YTHDC2: variants seen among roughly 807,000 people sequenced by gnomAD.
YTHDC2 encodes the protein 3'-5' RNA helicase YTHDC2.
YTHDC2 carries 45 observed loss-of-function variants against 174.9 expected under a neutral mutation model. That is an observed-to-expected ratio of 0.26 (90% confidence interval 0.20 to 0.33). YTHDC2 has a LOEUF of 0.33. Among genes scored for constraint, YTHDC2 ranks in the 10% least tolerant of loss-of-function variants. YTHDC2 has a pLI of 1.00. For missense variants in YTHDC2, 1,650 were observed against 1,723.7 expected (o/e 0.96, Z 0.76); for synonymous variants, 657 against 574.5 (o/e 1.14, Z -2.05).
intron 4 of YTHDC2, among the ~76,000 whole-genome samples, chr5:113,531,778 A>C (rs1561635179): frequency 6.6e-6 from 1 of 152,182 alleles, no homozygotes; most frequent in African/African-American, 2.4e-5. Flanking sequence ...TGAAAATAAA[A>C]ACAGTTATAT....
intron 9 of YTHDC2, 51 bp from the exon 10 acceptor site, chr5:113,542,317 G>A: frequency 6.3e-7 from 1 of 1,583,378 alleles, no homozygotes; most frequent in Non-Finnish European, 8.6e-7. Flanking sequence ...TTCTTTGCAA[G>A]CAAATGTTAG....
At chr5:113,529,910 A>G (rs1774537582) in intron 4 of YTHDC2, among the ~76,000 whole-genome samples, 1 of 152,058 alleles carries the variant, frequency 6.6e-6, no homozygotes, top group Admixed American at 6.6e-5. Flanking sequence ...TCCTACCCTA[A>G]GATTAATGGA....
chr5:113,535,326 A>C (rs1376705311), intron 6 of YTHDC2, among the ~76,000 whole-genome samples: 3 of 152,298 alleles, frequency 2.0e-5, no homozygotes, highest in South Asian at 4.1e-4. Flanking sequence ...AAGGATTTGC[A>C]TAGGATATGT....
chr5:113,585,286 A>G (rs1383618007), intron 26 of YTHDC2, among the ~76,000 whole-genome samples: 1 of 152,112 alleles, frequency 6.6e-6, no homozygotes, highest in Admixed American at 6.6e-5. Context: ...ACTTGTAATA[A>G]GAATAATTTT....
intron 17 of YTHDC2, among the ~76,000 whole-genome samples, chr5:113,559,820 C>A (rs933360139): frequency 6.6e-6 from 1 of 152,184 alleles, no homozygotes; most frequent in Non-Finnish European, 1.5e-5. Context: ...CATGGCTTTA[C>A]CAGTATGATC....
Position 113,560,263 on chromosome 5 carries a change from A to G in YTHDC2, c.2217-817A>G, listed in dbSNP as rs527505611. On this transcript the variant is annotated intron_variant, in intron 17 of 29. Coordinates refer to ENST00000161863, the MANE Select transcript of YTHDC2 (RefSeq NM_022828.5). ...AATAATGTAAAACTGCATTGACATG[A>G]TGACATTCCCTGGACCCTCAGTTCT... Among the ~76,000 whole-genome samples the G allele has an allele frequency of 1.7e-3, 255 of 152,326 alleles. 1 individual carries two copies. Among genetic ancestry groups the G allele is most frequent in the African/African-American group, 5.7e-3 (235 of 41,566 alleles).
intron 19 of YTHDC2, 61 bp downstream of exon 19, chr5:113,563,553 G>A (rs6886199): frequency 0.32 from 484,479 of 1,499,636 alleles, 86,686 homozygotes; most frequent in African/African-American, 0.74. Flanking sequence ...AAACTAAAAG[G>A]AAATATGTCT....
At chr5:113,523,060 T>C (rs1348325166) in intron 2 of YTHDC2, among the ~76,000 whole-genome samples, 1 of 152,128 alleles carries the variant, frequency 6.6e-6, no homozygotes, top group Middle Eastern at 3.2e-3. Flanking sequence ...TGTGAGCTTG[T>C]TGAGAAAGGG....
At chr5:113,542,630 T>G (rs1368770518) in intron 10 of YTHDC2, 127 bp downstream of exon 10, 1 of 778,280 alleles carries the variant, frequency 1.3e-6, no homozygotes, top group Non-Finnish European at 1.9e-6. Context: ...AAGTATTTAT[T>G]TTATTTCAAA....
chr5:113,553,443 T>C, intron 13 of YTHDC2, 84 bp downstream of exon 13: 5 of 1,432,434 alleles, frequency 3.5e-6, no homozygotes, highest in South Asian at 2.8e-5. Context: ...TTTATATAAT[T>C]GCACTGATAG....
In YTHDC2 at chr5:113,514,046, A is replaced by G. The variant is rs753198457; in HGVS notation, c.151A>G (p.Ile51Val). Residue 51 changes from isoleucine (I) to valine (V), a missense_variant, in exon 1 of 30, where the codon ATC becomes GTC. Transcript: ENST00000161863. ...TGAGGAGGTGAAGATCGCAGTCAAT[A>G]TCGCGCTGGAGCGCTTCCGATACGG... ...IDEEVKIAVN[I>V]ALERFRYGDQ... The G allele has an allele frequency of 1.2e-6, 2 of 1,612,364 alleles. No homozygotes were observed. Among genetic ancestry groups the G allele is most frequent in the Non-Finnish European group, 1.7e-6 (2 of 1,179,342 alleles).
chr5:113,558,036 G>A (rs142695651), intron 17 of YTHDC2, among the ~76,000 whole-genome samples: 26 of 152,168 alleles, frequency 1.7e-4, no homozygotes, highest in African/African-American at 6.0e-4. Context: ...TGCTACAACT[G>A]GATGTTTCCA....
rs772794367 is a variant in YTHDC2, at chr5:113,584,452, T to C, written c.3798T>C (p.Ala1266=). ...GCAGTAGTTACCCAAGTCCTTGTGC[T>C]AGTCCTTCTCCTCCATCCTCAGGAA... ...TDSSSYPSPC[A]SPSPPSSGKG... Residue 1266 remains alanine, a synonymous_variant, in exon 26 of 30, where the codon GCT becomes GCC. Transcript: ENST00000161863. 1 of 1,612,954 alleles carries C rather than the reference T, an allele frequency of 6.2e-7. No individual in the cohort carries two copies. Among genetic ancestry groups the C allele is most frequent in the South Asian group, 1.1e-5 (1 of 90,824 alleles).
chr5:113,564,522 C>T (rs1243293003), intron 20 of YTHDC2, among the ~76,000 whole-genome samples: 1 of 152,116 alleles, frequency 6.6e-6, no homozygotes, highest in Non-Finnish European at 1.5e-5. Flanking sequence ...TAATATCTAT[C>T]GATTTTTCTT....
At chr5:113,538,977 A>T (rs1775268628) in intron 7 of YTHDC2, 97 bp from the exon 8 acceptor site, 1 of 599,558 alleles carries the variant, frequency 1.7e-6, no homozygotes, top group African/African-American at 2.0e-5. Context: ...TTGCTTTTGG[A>T]TATTATACTG....
In YTHDC2 at chr5:113,554,037, G is replaced by T; in HGVS notation, c.2133+15G>T. The T allele has an allele frequency of 6.7e-7, 1 of 1,492,340 alleles. No individual in the cohort carries two copies. Among genetic ancestry groups the T allele is most frequent in the Admixed American group, 2.4e-5 (1 of 41,082 alleles). 92.4% of individuals were successfully genotyped at this position (1,492,340 alleles called of 1,614,324 possible). A position where few individuals can be genotyped will look rare whatever the true frequency, so the allele number is the denominator to read the frequency against. On this transcript the variant is annotated intron_variant, in intron 16 of 29. Transcript: ENST00000161863. Reference sequence around the variant, plus strand: ...AGGTGAAAGAGGTATGTATGGGTAAGTTGTAGTTTTACTTAAATGAAGAAG... The same window carrying T: ...AGGTGAAAGAGGTATGTATGGGTAATTTGTAGTTTTACTTAAATGAAGAAG...
chr5:113,569,914 A>G (rs1777603257), intron 23 of YTHDC2, among the ~76,000 whole-genome samples: 1 of 151,956 alleles, frequency 6.6e-6, no homozygotes, highest in South Asian at 2.1e-4. Context: ...GAATCTGTAA[A>G]TTTCTCTGGG....
intron 8 of YTHDC2, among the ~76,000 whole-genome samples, chr5:113,540,076 C>T (rs36009332): frequency 0.076 from 11,553 of 152,058 alleles, 840 homozygotes; most frequent in African/African-American, 0.19. Flanking sequence ...TTTGTAGATA[C>T]GCAGTCTAGT....
intron 23 of YTHDC2, 28 bp from the exon 24 acceptor site, chr5:113,579,558 A>AT (rs748932314): frequency 7.1e-4 from 1,062 of 1,504,072 alleles, no homozygotes; most frequent in South Asian, 1.4e-3. Flanking sequence ...GGTAAAAGTG[A>AT]TTTTTTTTTC....
Sources: allele counts gnomAD v4.1 joint callset (sites outside exome capture counted in the v4.1 genomes callset), GRCh38; gene constraint gnomAD v4.1.1; transcripts MANE v1.5; gene names NCBI Gene and HGNC (gene_info 2026-07-23, HGNC 2026-07-21).